Variants in MCTP2 observed in about 807,000 individuals in gnomAD.
MCTP2 encodes multiple C2 and transmembrane domain containing 2.
In MCTP2, 132 loss-of-function variants were observed where a neutral mutation model predicts 111.6. That is an observed-to-expected ratio of 1.18 (90% CI 1.03 to 1.37). The LOEUF is 1.37. Ranked by LOEUF, MCTP2 falls within the 40% of genes most tolerant of loss-of-function variation. The probability of loss-of-function intolerance (pLI) is 0.00; values close to 1 mark genes in which losing one functional copy is unlikely to be tolerated. For missense variants in MCTP2, 1,183 were observed against 1,067.9 expected (o/e 1.11, Z -1.50); for synonymous variants, 395 against 387.7 (o/e 1.02, Z -0.22).
intron 9 of MCTP2, among the ~76,000 whole-genome samples, chr15:94,357,840 C>T (rs76712936): frequency 0.028 from 4,277 of 152,226 alleles, 195 homozygotes; most frequent in African/African-American, 0.095. Context: ...ATAAACCAAA[C>T]GTAGAAGCAG....
intron 4 of MCTP2, among the ~76,000 whole-genome samples, chr15:94,335,617 G>A (rs759368813): frequency 2.0e-5 from 3 of 152,092 alleles, no homozygotes; most frequent in Non-Finnish European, 2.9e-5. Flanking sequence ...AATCACTTAT[G>A]GACTCCAAAG....
intron 17 of MCTP2, among the ~76,000 whole-genome samples, chr15:94,435,692 C>A (rs1252332431): frequency 1.6e-5 from 2 of 124,484 alleles, no homozygotes; most frequent in Admixed American, 8.8e-5. Flanking sequence ...AGTGCAGTGG[C>A]GCGATCTCGG....
chr15:94,302,394 T>C (rs1671829), intron 2 of MCTP2, among the ~76,000 whole-genome samples: 131,526 of 151,828 alleles, frequency 0.87, 57,238 homozygotes, highest in East Asian at 0.99. Flanking sequence ...TCTACTGTTA[T>C]GGGGAATTGG....
intron 8 of MCTP2, 183 bp from the exon 9 acceptor site, chr15:94,355,954 T>C: frequency 7.9e-7 from 1 of 1,261,118 alleles, no homozygotes; most frequent in Non-Finnish European, 1.0e-6. Context: ...ACTCCAAAGC[T>C]TGAGAAGGAA....
chr15:94,464,821 AT>A (rs763965382), intron 20 of MCTP2, among the ~76,000 whole-genome samples: 3 of 152,032 alleles, frequency 2.0e-5, no homozygotes, highest in Admixed American at 6.6e-5. Context: ...TTTTCTAGTT[AT>A]CTTTTCGTTT....
chr15:94,347,984 A>G (rs1596433393), intron 8 of MCTP2, among the ~76,000 whole-genome samples: 1 of 152,168 alleles, frequency 6.6e-6, no homozygotes, highest in African/African-American at 2.4e-5. Context: ...TACAATGGCT[A>G]TTTAGTTATG....
At chr15:94,440,084 A>G in intron 17 of MCTP2, 92 bp from the exon 18 acceptor site, 2 of 1,416,828 alleles carry the variant, frequency 1.4e-6, no homozygotes, top group East Asian at 2.3e-5. Flanking sequence ...GAAAGAGTCC[A>G]ATTGAATCTC....
intron 19 of MCTP2, among the ~76,000 whole-genome samples, chr15:94,450,136 AC>A (rs2084351570): frequency 6.6e-6 from 1 of 152,188 alleles, no homozygotes; most frequent in South Asian, 2.1e-4. Flanking sequence ...GTTGGTAAAT[AC>A]CAGTACAGTA....
chr15:94,314,436 TAAA>T (rs35800874), intron 3 of MCTP2, 92 bp downstream of exon 3: 1,068 of 617,128 alleles, frequency 1.7e-3, no homozygotes, highest in Middle Eastern at 3.4e-3. Context: ...CTTTTATTGC[TAAA>T]AAAAAAAAAA....
chr15:94,406,096 C>T (rs560313612), intron 17 of MCTP2, among the ~76,000 whole-genome samples: 19 of 152,176 alleles, frequency 1.2e-4, no homozygotes, highest in African/African-American at 2.2e-4. Flanking sequence ...ATACACAAGA[C>T]GTGTACATGG....
intron 17 of MCTP2, among the ~76,000 whole-genome samples, chr15:94,416,252 G>GA (rs975696575): frequency 6.6e-6 from 1 of 151,722 alleles, no homozygotes; most frequent in Admixed American, 6.6e-5. Flanking sequence ...GGTGTAGAAG[G>GA]ATTTTTTTTT....
At chr15:94,407,613 A>T (rs965742882) in intron 17 of MCTP2, among the ~76,000 whole-genome samples, 1 of 152,220 alleles carries the variant, frequency 6.6e-6, no homozygotes, top group Non-Finnish European at 1.5e-5. Flanking sequence ...GTTAAAAAAT[A>T]CAACTGTCCA....
chr15:94,283,438 T>C (rs1174780563), intron 1 of MCTP2, among the ~76,000 whole-genome samples: 1 of 152,198 alleles, frequency 6.6e-6, no homozygotes, highest in Non-Finnish European at 1.5e-5. Flanking sequence ...GCTGGAGTTC[T>C]GTCTCTGCTA....
At chr15:94,420,381 A>T (rs1253184480) in intron 17 of MCTP2, among the ~76,000 whole-genome samples, 1 of 152,138 alleles carries the variant, frequency 6.6e-6, no homozygotes, top group Non-Finnish European at 1.5e-5. Context: ...CTTATTAAAG[A>T]AATATATTTT....
Position 94,339,270 on chromosome 15 carries a change from G to A in MCTP2, c.638-20G>A, listed in dbSNP as rs751713552. The A allele has an allele frequency of 1.0e-5, 16 of 1,562,014 alleles. No individual in the cohort carries two copies. The highest frequency in any genetic ancestry group is 8.7e-7 in the Non-Finnish European group (1 of 1,154,178). On this transcript the variant is annotated intron_variant, in intron 4 of 22. Transcript: ENST00000357742. ...TACATGTATTTTAAAATTCTGTCTTGTTTTCTTTTCCTTTTAAAGGCACAA... is the reference window on the plus strand; with the variant it reads ...TACATGTATTTTAAAATTCTGTCTTATTTTCTTTTCCTTTTAAAGGCACAA...
chr15:94,338,706 C>A (rs1328132587), intron 4 of MCTP2, among the ~76,000 whole-genome samples: 1 of 152,184 alleles, frequency 6.6e-6, no homozygotes, highest in Non-Finnish European at 1.5e-5. Flanking sequence ...GCTGCCCTGG[C>A]TGAGACAATG....
In MCTP2 at chr15:94,470,382, C is replaced by G. The variant is rs192191471; in HGVS notation, c.2410C>G (p.Leu804Val). 5.9e-5 allele frequency: 96 copies of G among 1,613,976 alleles called. No individual in the cohort carries two copies. The Admixed American group carries it at 6.5e-4, about 11-fold the overall frequency. ...CCTTTCATCTCTGGCCTGTTTGATT[C>G]TGGCAGCAGCCACCATCATTTTGTA... is the stretch of plus-strand genomic sequence containing the variant. ...PFLSSLACLI[L>V]AAATIILYFI... The change falls in exon 21 of 23, where the codon CTG becomes GTG. Residue 804 changes from leucine (L) to valine (V), a missense_variant. Coordinates refer to ENST00000357742, the MANE Select transcript of MCTP2 (RefSeq NM_001385001.1).
At chr15:94,237,674 G>A (rs1195232500) in intron 1 of MCTP2, among the ~76,000 whole-genome samples, 1 of 152,108 alleles carries the variant, frequency 6.6e-6, no homozygotes, top group East Asian at 1.9e-4. Flanking sequence ...TGTCCTTTGT[G>A]GGGTCACATG....
At chr15:94,256,746 G>C (rs558438750) in intron 1 of MCTP2, among the ~76,000 whole-genome samples, 262 of 152,280 alleles carry the variant, frequency 1.7e-3, no homozygotes, top group Non-Finnish European at 3.2e-3. Flanking sequence ...GTGAGATACG[G>C]TGTATAGTTT....
Sources: gnomAD v4.1 joint callset for allele counts (sites outside exome capture counted in the v4.1 genomes callset) on GRCh38, gnomAD v4.1.1 for gene constraint, MANE v1.5 for transcripts, NCBI Gene and HGNC (gene_info 2026-07-23, HGNC 2026-07-21) for gene names.